Variants in PRR14L observed in about 807,000 individuals in gnomAD.
The protein encoded by PRR14L is protein PRR14L.
Under a neutral mutation model 155.0 loss-of-function variants are expected in PRR14L, and 80 were observed. The observed-to-expected ratio is 0.52, with a 90% CI of 0.43 to 0.62. PRR14L has a LOEUF of 0.62. Ranked by LOEUF, PRR14L falls within the 20% of genes least tolerant of loss-of-function variation. The probability of loss-of-function intolerance (pLI) is 0.00; values close to 1 mark genes in which losing one functional copy is unlikely to be tolerated. For synonymous variants in PRR14L, 883 were observed against 916.0 expected, an observed-to-expected ratio of 0.96 and a Z score of 0.65; for missense variants, 2,469 against 2,548.0, an observed-to-expected ratio of 0.97 and a Z score of 0.67.
chr22:31,710,289 C>G (rs915901051), intron 4 of PRR14L, among the ~76,000 whole-genome samples: 3 of 152,146 alleles, frequency 2.0e-5, no homozygotes, highest in African/African-American at 7.2e-5. Context: ...ATTAGAGACA[C>G]ACAATGAACA....
intron 1 of PRR14L, among the ~76,000 whole-genome samples, chr22:31,746,971 A>AT (rs1005720860): frequency 4.2e-4 from 62 of 148,794 alleles, no homozygotes; most frequent in African/African-American, 1.0e-3. Flanking sequence ...TAATTTTTTT[A>AT]TTTTTTTTAT....
At chr22:31,723,250 T>C (rs975151779) in intron 3 of PRR14L, among the ~76,000 whole-genome samples, 1 of 152,172 alleles carries the variant, frequency 6.6e-6, no homozygotes, top group Non-Finnish European at 1.5e-5. Flanking sequence ...ATTTAAGTCA[T>C]TAAATAAGCA....
intron 2 of PRR14L, among the ~76,000 whole-genome samples, chr22:31,731,426 G>A (rs1311049318): frequency 6.6e-6 from 1 of 151,876 alleles, no homozygotes; most frequent in Non-Finnish European, 1.5e-5. Context: ...TAGTTAGCCA[G>A]GCCTGGTGGT....
At chr22:31,710,762 G>C (rs1242558324) in intron 4 of PRR14L, among the ~76,000 whole-genome samples, 1 of 151,972 alleles carries the variant, frequency 6.6e-6, no homozygotes, top group Non-Finnish European at 1.5e-5. Flanking sequence ...CCACTCTTTA[G>C]GGATTCTTGA....
In PRR14L at chr22:31,713,735, G is replaced by C. The variant is rs368050763; in HGVS notation, c.4104C>G (p.Pro1368=). 57 of 1,552,310 alleles carry C rather than the reference G, an allele frequency of 3.7e-5. No individual in the cohort carries two copies. In the African/African-American group the frequency reaches 7.5e-4, roughly 20 times the overall value. The change falls in exon 4 of 9, where the codon CCC becomes CCG. Residue 1368 remains proline, a synonymous_variant. Coordinates refer to ENST00000327423, the MANE Select transcript of PRR14L (RefSeq NM_173566.3). ...AATGGGTCTGAGAGATGTTGCTCAC[G>C]GGATCGCCATCGCCAGTTTCTCTGG... ...LVTRETGDGD[P]VSNISQTHFK... is the part of the protein sequence containing the mutation.
chr22:31,737,019 C>T (rs369744503), intron 2 of PRR14L, among the ~76,000 whole-genome samples: 3 of 98,664 alleles, frequency 3.0e-5, no homozygotes, highest in Admixed American at 3.4e-4. Flanking sequence ...GCCTGGGAGA[C>T]AGTGAGAGAC....
chr22:31,707,009 A>T (rs1422601993), intron 4 of PRR14L, among the ~76,000 whole-genome samples: 1 of 151,984 alleles, frequency 6.6e-6, no homozygotes, highest in Non-Finnish European at 1.5e-5. Flanking sequence ...AGATCGCGCC[A>T]CTGCACTCCA....
At position 31,716,659 on chromosome 22, in the gene PRR14L, A is replaced by G; in HGVS notation, c.1180T>C (p.Ser394Pro). 7 of 1,552,112 alleles carry G rather than the reference A, an allele frequency of 4.5e-6. No individual in the cohort carries two copies. The highest frequency in any genetic ancestry group is 4.4e-6 in the Non-Finnish European group (5 of 1,147,100). The change falls in exon 4 of 9, where the codon TCT (serine) becomes CCT (proline). Residue 394 changes from serine to proline, a missense_variant. Around this residue, in one of 2 missense-constraint regions of PRR14L, gnomAD observed 2,363 missense variants for 2,371.6 expected, o/e 1.00. Transcript: ENST00000327423. ...AGCCGTTCCTCATTTTCTTCTCTAG[A>G]AGCCAAGTTCTTCCCTTGATCATCC... is the stretch of plus-strand genomic sequence containing the variant. The part of the protein sequence containing the change: ...RGDDQGKNLA[S>P]REENEERLLI...
At chr22:31,712,016 CCT>C in intron 4 of PRR14L, 65 bp downstream of exon 4, 1 of 1,422,932 alleles carries the variant, frequency 7.0e-7, no homozygotes, top group Non-Finnish European at 9.6e-7. Flanking sequence ...CCGCAGTTCC[CCT>C]CTCATCTCCC....
chr22:31,703,015 C>G (rs566136557), intron 6 of PRR14L, among the ~76,000 whole-genome samples: 1 of 151,506 alleles, frequency 6.6e-6, no homozygotes, highest in Admixed American at 6.6e-5. Flanking sequence ...ACAGTTTTGC[C>G]AGGTTGCCCA....
rs949947730 is a variant in PRR14L at position 31,684,487 on chromosome 22, G to A, written c.*1040C>T. On this transcript the variant is annotated 3_prime_UTR_variant, in exon 9 of 9. Coordinates refer to ENST00000327423, the MANE Select transcript of PRR14L (RefSeq NM_173566.3). ...CACCATTTCAGATAAAAACCATTAA[G>A]ACCACACCCAACCATAGTAGTTTTT... 6.6e-6 allele frequency: 1 copy of A among 152,166 alleles called. No homozygotes were observed. Among genetic ancestry groups the A allele is most frequent in the Non-Finnish European group, 1.5e-5 (1 of 68,036 alleles). The allele number at this position is 152,166 out of a possible 1,614,324, so 9.4% of individuals were successfully genotyped here.
intron 2 of PRR14L, among the ~76,000 whole-genome samples, chr22:31,736,386 C>CAA (rs551156311): frequency 9.3e-5 from 7 of 75,364 alleles, no homozygotes; most frequent in African/African-American, 2.0e-4. Context: ...AACTCTGTCT[C>CAA]AAAAAAAAAA....
chr22:31,730,293 C>T (rs576894014), intron 2 of PRR14L, among the ~76,000 whole-genome samples: 22 of 152,234 alleles, frequency 1.4e-4, no homozygotes, highest in African/African-American at 5.3e-4. Flanking sequence ...CAAAAATTAG[C>T]TGGCCATGGT....
In PRR14L at chr22:31,716,175, G is replaced by C. The variant is rs2074658166; in HGVS notation, c.1664C>G (p.Thr555Ser). The change falls in exon 4 of 9, where the codon ACC (threonine) becomes AGC (serine). Residue 555 changes from threonine to serine, a missense_variant. Transcript: ENST00000327423. ...VSIQRNLEGNTQLNEASCNDF... is the reference protein window; with the variant it reads ...VSIQRNLEGNSQLNEASCNDF... ...ATTACATGATGCTTCATTTAACTGG[G>C]TGTTGCCTTCCAGATTTCTCTGGAT... is the stretch of plus-strand genomic sequence containing the variant. 6.4e-7 allele frequency: 1 copy of C among 1,551,350 alleles called. No homozygotes were observed. Among genetic ancestry groups the C allele is most frequent in the South Asian group, 1.2e-5 (1 of 84,050 alleles).
chr22:31,724,907 T>C (rs988254080), intron 3 of PRR14L, among the ~76,000 whole-genome samples: 10 of 152,178 alleles, frequency 6.6e-5, no homozygotes, highest in African/African-American at 2.4e-4. Context: ...GTAATCAAAC[T>C]GCCTTGAAAA....
intron 1 of PRR14L, among the ~76,000 whole-genome samples, chr22:31,742,083 G>A (rs1300199906): frequency 1.3e-5 from 2 of 152,074 alleles, no homozygotes; most frequent in East Asian, 1.9e-4. Context: ...TTTTAATTTG[G>A]TTCAGTTTTC....
At chr22:31,742,367 CTT>C (rs66721130) in intron 1 of PRR14L, among the ~76,000 whole-genome samples, 37 of 143,020 alleles carry the variant, frequency 2.6e-4, no homozygotes, top group African/African-American at 2.6e-4. Context: ...AAAACTCTTC[CTT>C]TTTTTTTTTT....
At position 31,683,253 on chromosome 22, in the gene PRR14L, G is replaced by A. The variant is rs1003806341; in HGVS notation, c.*2274C>T. On this transcript the variant is annotated 3_prime_UTR_variant, in exon 9 of 9. Coordinates refer to ENST00000327423, the MANE Select transcript of PRR14L (RefSeq NM_173566.3). Reference sequence around the variant, plus strand: ...CAGTTGAAACTATCTCTGCCATGTTGGTGACACTATAGCTGTGCCCACTGT... The same window carrying A: ...CAGTTGAAACTATCTCTGCCATGTTAGTGACACTATAGCTGTGCCCACTGT... 1.3e-5 allele frequency: 2 copies of A among 152,264 alleles called. No individual in the cohort carries two copies. The highest frequency in any genetic ancestry group is 4.8e-5 in the African/African-American group (2 of 41,432). The allele number at this position is 152,264 out of a possible 1,614,324, so 9.4% of individuals were successfully genotyped here.
intron 4 of PRR14L, among the ~76,000 whole-genome samples, chr22:31,711,865 CAGA>C (rs2074625084): frequency 6.8e-6 from 1 of 146,848 alleles, no homozygotes; most frequent in African/African-American, 2.5e-5. Flanking sequence ...GTGTGAAATA[CAGA>C]AGTAGGTTCT....
Sources: allele counts gnomAD v4.1 joint callset (sites outside exome capture counted in the v4.1 genomes callset), GRCh38; gene constraint gnomAD v4.1.1; regional missense constraint gnomAD v4.1.1; transcripts MANE v1.5; gene names NCBI Gene and HGNC (gene_info 2026-07-23, HGNC 2026-07-21).